The following HEPHL1 variants were observed in gnomAD, a reference collection of about 807,000 sequenced individuals.
The protein encoded by HEPHL1 is hephaestin like 1.
A neutral mutation model predicts 122.0 loss-of-function variants in HEPHL1; 123 were observed. That is an observed-to-expected ratio of 1.01 (90% CI 0.87 to 1.17). The LOEUF is 1.17. HEPHL1 is among the 50% of genes most tolerant of loss of function. The pLI is 0.00. For synonymous variants in HEPHL1, 527 were observed against 508.9 expected, an observed-to-expected ratio of 1.04 and a Z score of -0.48; for missense variants, 1,452 against 1,430.5, an observed-to-expected ratio of 1.01 and a Z score of -0.24.
intron 12 of HEPHL1, among the ~76,000 whole-genome samples, chr11:94,090,526 G>T (rs1226443406): frequency 1.6e-4 from 24 of 152,156 alleles, no homozygotes; most frequent in Admixed American, 1.6e-3. Context: ...GGGGAAGGGG[G>T]TGCAATGCCA....
At chr11:94,105,006 C>T (rs1946397846) in intron 16 of HEPHL1, among the ~76,000 whole-genome samples, 1 of 152,164 alleles carries the variant, frequency 6.6e-6, no homozygotes, top group South Asian at 2.1e-4. Flanking sequence ...AGCTCTAAGA[C>T]TGTAAAGTAA....
intron 2 of HEPHL1, among the ~76,000 whole-genome samples, chr11:94,049,818 G>A (rs1039527683): frequency 2.6e-5 from 4 of 151,774 alleles, no homozygotes; most frequent in Non-Finnish European, 4.4e-5. Context: ...GGCTATTTAG[G>A]TTCTTTCCCT....
At position 94,093,608 on chromosome 11, in the gene HEPHL1, G is replaced by T. The variant is rs200108606; in HGVS notation, c.2402G>T (p.Arg801Leu). The T allele has an allele frequency of 6.2e-7, 1 of 1,613,544 alleles. No individual in the cohort carries two copies. The highest frequency in any genetic ancestry group is 1.1e-5 in the South Asian group (1 of 91,016). The change falls in exon 13 of 20, where the codon CGA becomes CTA. Residue 801 changes from arginine (R) to leucine (L), a missense_variant. Physicochemically the swap from Arg to Leu is moderately radical, Grantham distance 102 (BLOSUM62 -2). Coordinates refer to ENST00000315765, the MANE Select transcript of HEPHL1 (RefSeq NM_001098672.2). ...GGAGAATTTGTGGAGATCAAAGCCC[G>T]ACCACCACGAGAGGAGCACTTAGAA... ...TDGEFVEIKA[R>L]PPREEHLELL...
At position 94,113,584 on chromosome 11, in the gene HEPHL1, G is replaced by A. The variant is rs981363778; in HGVS notation, c.*1690G>A. 6.6e-6 allele frequency: 1 copy of A among 152,060 alleles called. No individual in the cohort carries two copies. The allele number at this position is 152,060 out of a possible 1,614,324, so 9.4% of individuals were successfully genotyped here. A position where few individuals can be genotyped will look rare whatever the true frequency, so the allele number is the denominator to read the frequency against. ...TTCTACAGTTTTCATACATGTGTAG[G>A]CTGCATAATTTCATAATTATGGTAA... On this transcript the variant is annotated 3_prime_UTR_variant, in exon 20 of 20. Coordinates refer to ENST00000315765, the MANE Select transcript of HEPHL1 (RefSeq NM_001098672.2).
At chr11:94,075,540 T>C (rs1329761053) in intron 9 of HEPHL1, among the ~76,000 whole-genome samples, 155 bp downstream of exon 9, 4 of 152,180 alleles carry the variant, frequency 2.6e-5, no homozygotes, top group Non-Finnish European at 5.9e-5. Flanking sequence ...TATTTGATTT[T>C]CTGGTGAAAA....
intron 4 of HEPHL1, among the ~76,000 whole-genome samples, chr11:94,066,620 TA>T (rs1565353170): frequency 6.6e-6 from 1 of 152,074 alleles, no homozygotes; most frequent in African/African-American, 2.4e-5. Context: ...AAAATTTAAT[TA>T]AAAAAATCTA....
At chr11:94,093,445 G>T (rs1029086797) in intron 12 of HEPHL1, 56 bp from the exon 13 acceptor site, 37 of 1,599,752 alleles carry the variant, frequency 2.3e-5, no homozygotes, top group Non-Finnish European at 2.9e-5. Flanking sequence ...ACTTAGAAGC[G>T]CTCAAAGCTT....
intron 17 of HEPHL1, among the ~76,000 whole-genome samples, chr11:94,110,340 T>C (rs921274619): frequency 1.1e-4 from 17 of 152,190 alleles, no homozygotes; most frequent in African/African-American, 4.1e-4. Context: ...GAATCTTTCA[T>C]GAGGAGGCAA....
intron 2 of HEPHL1, among the ~76,000 whole-genome samples, chr11:94,060,818 A>T (rs2134425377): frequency 6.6e-6 from 1 of 152,314 alleles, no homozygotes; most frequent in Non-Finnish European, 1.5e-5. Context: ...CAATGAAATG[A>T]TTTTAAACAG....
rs542735561 is a variant in HEPHL1, at chr11:94,073,021, T to G, written c.1233-4T>G. On this transcript the variant is annotated splice_region_variant and splice_polypyrimidine_tract_variant and intron_variant, in intron 6 of 19. Transcript: ENST00000315765. ...TCCTCAATCACATTCCTATGTCTTT[T>G]CAGTGACTCTGATCTCTACTTCACA... 3.4e-4 allele frequency: 540 copies of G among 1,611,586 alleles called. No individual in the cohort carries two copies. The highest frequency in any genetic ancestry group is 4.5e-4 in the Non-Finnish European group (529 of 1,178,464).
chr11:94,037,623 A>ACGG, intron 1 of HEPHL1, among the ~76,000 whole-genome samples: 3 of 152,250 alleles, frequency 2.0e-5, no homozygotes, highest in African/African-American at 7.2e-5. Flanking sequence ...GACACCTCAC[A>ACGG]CAGCAGGGTA....
At chr11:94,024,535 G>C (rs1945607821) in intron 1 of HEPHL1, among the ~76,000 whole-genome samples, 1 of 152,168 alleles carries the variant, frequency 6.6e-6, no homozygotes, top group Non-Finnish European at 1.5e-5. Flanking sequence ...CTGATCGTGG[G>C]CATATGTGAC....
intron 1 of HEPHL1, among the ~76,000 whole-genome samples, chr11:94,037,551 G>A (rs1945737855): frequency 6.6e-6 from 1 of 152,144 alleles, no homozygotes; most frequent in Admixed American, 6.5e-5. Flanking sequence ...CCTCAAGTGG[G>A]TCCCTGACCC....
rs541678641 is a variant in HEPHL1, at chr11:94,106,546, C to T, written c.3045+416C>T. Among the ~76,000 whole-genome samples the T allele has an allele frequency of 1.1e-4, 17 of 152,138 alleles. No individual in the cohort carries two copies. In the South Asian group the frequency reaches 1.2e-3, roughly 11 times the overall value. On this transcript the variant is annotated intron_variant, in intron 17 of 19. Coordinates refer to ENST00000315765, the MANE Select transcript of HEPHL1 (RefSeq NM_001098672.2). Reference sequence around the variant, plus strand: ...TCCTGACCTCGTGATCTGCCCGCCTCGGCCTCCCACAGTGCTGAGATTACA... The same window carrying T: ...TCCTGACCTCGTGATCTGCCCGCCTTGGCCTCCCACAGTGCTGAGATTACA...
chr11:94,077,787 T>C (rs1946138411), intron 9 of HEPHL1, among the ~76,000 whole-genome samples: 2 of 152,208 alleles, frequency 1.3e-5, no homozygotes, highest in Non-Finnish European at 2.9e-5. Flanking sequence ...TTATGCTCCA[T>C]CCACATTCTG....
At chr11:94,108,230 A>C (rs1183439423) in intron 17 of HEPHL1, among the ~76,000 whole-genome samples, 1 of 152,052 alleles carries the variant, frequency 6.6e-6, no homozygotes, top group East Asian at 1.9e-4. Flanking sequence ...TCCAAATTGT[A>C]AGCCCATTTA....
intron 17 of HEPHL1, among the ~76,000 whole-genome samples, chr11:94,109,684 T>G (rs569575133): frequency 6.6e-6 from 1 of 152,330 alleles, no homozygotes; most frequent in African/African-American, 2.4e-5. Context: ...ATTCCCAGGA[T>G]AAACCTTACT....
chr11:94,110,091 G>A (rs1946436752), intron 17 of HEPHL1, among the ~76,000 whole-genome samples: 1 of 152,170 alleles, frequency 6.6e-6, no homozygotes, highest in African/African-American at 2.4e-5. Context: ...TACCATCTAA[G>A]TTGTACAATT....
intron 9 of HEPHL1, among the ~76,000 whole-genome samples, chr11:94,078,776 A>G (rs997602117): frequency 3.3e-5 from 5 of 152,098 alleles, no homozygotes; most frequent in Non-Finnish European, 7.4e-5. Context: ...CCTTCAACCA[A>G]TTGGATGGGG....
Sources: allele counts gnomAD v4.1 joint callset (sites outside exome capture counted in the v4.1 genomes callset), GRCh38; gene constraint gnomAD v4.1.1; transcripts MANE v1.5; gene names NCBI Gene and HGNC (gene_info 2026-07-23, HGNC 2026-07-21).